Variants in SPATA7 observed in about 807,000 individuals in gnomAD.
SPATA7 encodes spermatogenesis associated 7, also known as spermatogenesis-associated protein 7.
In SPATA7, 43 loss-of-function variants were observed where a neutral mutation model predicts 51.8. That is an observed-to-expected ratio of 0.83 (90% CI 0.65 to 1.07). The LOEUF (loss-of-function observed/expected upper bound fraction) is 1.07. Among genes scored for constraint, SPATA7 ranks in the 50% least tolerant of loss-of-function variants. The pLI is 0.00. For synonymous variants in SPATA7, 230 were observed against 252.8 expected, an observed-to-expected ratio of 0.91 and a Z score of 0.86; for missense variants, 683 against 701.3, an observed-to-expected ratio of 0.97 and a Z score of 0.30.
chr14:88,391,300 TA>T lies in SPATA7; in HGVS notation c.20-75del, dbSNP rs2075737512. 6 of 1,145,330 alleles carry T rather than the reference TA, an allele frequency of 5.2e-6. No homozygotes were observed. The East Asian group carries it at 1.6e-4, about 30-fold the overall frequency. 70.9% of individuals were successfully genotyped at this position (1,145,330 alleles called of 1,614,324 possible). A position where few individuals can be genotyped will look rare whatever the true frequency, so the allele number is the denominator to read the frequency against. On this transcript the variant is annotated intron_variant, in intron 1 of 11. Coordinates refer to ENST00000393545, the MANE Select transcript of SPATA7 (RefSeq NM_018418.5). ...ATTATTTTGTGATAAATTTATTATT[TA>T]AAAAATATTGAATATTGTTGTTTTT...
downstream of SPATA7, among the ~76,000 whole-genome samples, chr14:88,456,340 A>G (rs892710598): frequency 2.6e-5 from 4 of 152,116 alleles, no homozygotes; most frequent in African/African-American, 9.7e-5. Flanking sequence ...AGTCCCACCA[A>G]CAGTGTAAAA....
At chr14:88,391,253 G>A (rs938851571) in intron 1 of SPATA7, 128 bp from the exon 2 acceptor site, 17 of 795,712 alleles carry the variant, frequency 2.1e-5, no homozygotes, top group South Asian at 5.1e-5. Flanking sequence ...TACTAAAAAC[G>A]CAATCACCTT....
chr14:88,394,118 GACAA>G (rs2139875767), intron 3 of SPATA7, among the ~76,000 whole-genome samples: 1 of 152,236 alleles, frequency 6.6e-6, no homozygotes, highest in Non-Finnish European at 1.5e-5. Context: ...GTTATCCATA[GACAA>G]ACAATCATTT....
chr14:88,460,600 C>T (rs561432749), intron 4 of SPATA7, among the ~76,000 whole-genome samples: 24 of 152,150 alleles, frequency 1.6e-4, no homozygotes, highest in African/African-American at 4.6e-4. Context: ...TATTCTAGTT[C>T]GCCATTCATC....
chr14:88,470,232 T>C, exon 5 of SPATA7: 1 of 615,478 alleles, frequency 1.6e-6, no homozygotes, highest in Non-Finnish European at 2.8e-6. Flanking sequence ...GAATACAATT[T>C]GCATTACTGA....
chr14:88,413,880 C>G (rs1335504234), intron 4 of SPATA7, among the ~76,000 whole-genome samples: 5 of 151,976 alleles, frequency 3.3e-5, no homozygotes, highest in Non-Finnish European at 5.9e-5. Context: ...GTTGAACCAG[C>G]CTTTCATTCC....
intron 4 of SPATA7, among the ~76,000 whole-genome samples, chr14:88,402,423 A>G (rs1159793415): frequency 2.7e-5 from 1 of 37,604 alleles, no homozygotes; most frequent in East Asian, 7.2e-4. Flanking sequence ...TCAAAACAGT[A>G]TGGAACTGGC....
chr14:88,461,411 G>T (rs2077316825), intron 4 of SPATA7, among the ~76,000 whole-genome samples: 1 of 152,186 alleles, frequency 6.6e-6, no homozygotes, highest in Admixed American at 6.5e-5. Flanking sequence ...AGCAATGGTG[G>T]ATGCCCCTCC....
intron 7 of SPATA7, chr14:88,429,104 G>A (rs73327449): frequency 0.021 from 5,826 of 283,120 alleles, 333 homozygotes; most frequent in African/African-American, 0.12. Context: ...GTTTATTTGT[G>A]GCAATTTCTT....
chr14:88,409,653 G>A (rs971847638), intron 4 of SPATA7, among the ~76,000 whole-genome samples: 2 of 151,792 alleles, frequency 1.3e-5, no homozygotes, highest in East Asian at 1.9e-4. Flanking sequence ...GTTTGCTCTC[G>A]CTCCTCTAGT....
chr14:88,398,636 A>AT (rs1371325098), intron 4 of SPATA7, among the ~76,000 whole-genome samples: 144 of 17,482 alleles, frequency 8.2e-3, no homozygotes, highest in East Asian at 0.051. Flanking sequence ...TAATAATAAA[A>AT]TTTTAAAAAA....
chr14:88,466,504 A>C (rs2077365457), intron 4 of SPATA7: 1 of 152,198 alleles, frequency 6.6e-6, no homozygotes, highest in Non-Finnish European at 1.5e-5. Flanking sequence ...GATGCCTAGA[A>C]TAGTGTAATT....
rs548083482 is a variant in SPATA7, at chr14:88,448,744, G to A, written c.178-6316G>A. Among the ~76,000 whole-genome samples, 7 of 152,224 alleles carry A rather than the reference G, an allele frequency of 4.6e-5. No homozygotes were observed. In the South Asian group the frequency reaches 6.2e-4, roughly 14 times the overall value. On this transcript the variant is annotated intron_variant, in intron 3 of 3. Transcript: ENST00000554802. ...TGCAGGTCTGTTGGAGTACCCAGCC[G>A]TGTGAGGTGTCAGTCTGCCCCTGCT...
At chr14:88,419,238 A>G (rs1399149069) in intron 5 of SPATA7, among the ~76,000 whole-genome samples, 1 of 152,108 alleles carries the variant, frequency 6.6e-6, no homozygotes, top group Non-Finnish European at 1.5e-5. Context: ...CATTAGAGAT[A>G]TTAGAGATAC....
At chr14:88,460,826 C>G (rs2077312542) in intron 4 of SPATA7, among the ~76,000 whole-genome samples, 1 of 152,116 alleles carries the variant, frequency 6.6e-6, no homozygotes, top group Admixed American at 6.6e-5. Context: ...TCTTTTTTCC[C>G]CATCTTTGTG....
chr14:88,458,964 T>C (rs533578771), downstream of SPATA7, among the ~76,000 whole-genome samples: 1 of 152,378 alleles, frequency 6.6e-6, no homozygotes, highest in East Asian at 1.9e-4. Context: ...TATTTCTGCC[T>C]TAATTTTGTT....
intron 3 of SPATA7, among the ~76,000 whole-genome samples, chr14:88,447,670 G>T (rs972456874): frequency 2.6e-5 from 4 of 151,582 alleles, no homozygotes; most frequent in South Asian, 2.1e-4. Flanking sequence ...GCTCTTTTAG[G>T]GCAGGCCTGG....
At position 88,426,477 on chromosome 14, in the gene SPATA7, A is replaced by G. The variant is rs576385745; in HGVS notation, c.618A>G (p.Thr206=). 3 of 1,614,184 alleles carry G rather than the reference A, an allele frequency of 1.9e-6. 1 individual carries two copies. The African/African-American group carries it at 4.0e-5, about 22-fold the overall frequency. ...TGTATGGCAGAAGGCCCAGAAGCAC[A>G]TTCCCAAATTCCCACCGGTTTCAGT... ...GALYGRRPRS[T]FPNSHRFQLV... is the part of the protein sequence containing the mutation. Residue 206 remains threonine (T), a synonymous_variant, in exon 6 of 12, where the codon ACA becomes ACG. Coordinates refer to ENST00000393545, the MANE Select transcript of SPATA7 (RefSeq NM_018418.5).
chr14:88,429,307 T>A (rs1175584468), intron 7 of SPATA7, 41 bp from the exon 8 acceptor site: 1 of 1,235,102 alleles, frequency 8.1e-7, no homozygotes. Context: ...TCGTAATGTA[T>A]TTTTAAGCAA....
Sources: gnomAD v4.1 joint callset for allele counts (sites outside exome capture counted in the v4.1 genomes callset) on GRCh38, gnomAD v4.1.1 for gene constraint, MANE v1.5 for transcripts, NCBI Gene and HGNC (gene_info 2026-07-23, HGNC 2026-07-21) for gene names.